GABRG3: variants seen among roughly 807,000 people sequenced by gnomAD.
The protein encoded by GABRG3 is gamma-aminobutyric acid type A receptor subunit gamma3.
Under a neutral mutation model 48.8 loss-of-function variants are expected in GABRG3, and 25 were observed. The observed-to-expected ratio is 0.51, with a 90% CI of 0.37 to 0.72. GABRG3 has a LOEUF of 0.72. Among genes scored for constraint, GABRG3 ranks in the 30% least tolerant of loss-of-function variants. GABRG3 has a pLI of 0.00. For synonymous variants in GABRG3, 227 were observed against 217.6 expected (o/e 1.04, Z -0.38); for missense variants, 394 against 577.9 (o/e 0.68, Z 3.26).
intron 6 of GABRG3, among the ~76,000 whole-genome samples, chr15:27,510,691 T>A (rs916924792): frequency 3.3e-5 from 5 of 152,242 alleles, no homozygotes; most frequent in Admixed American, 1.3e-4. Context: ...CCTGTAATTA[T>A]CCTAAAGTTT....
chr15:27,305,521 T>TATAATATAAACCTATGTTTATATATAAAC (rs1480972479), intron 3 of GABRG3, among the ~76,000 whole-genome samples: 43 of 146,164 alleles, frequency 2.9e-4, no homozygotes, highest in African/African-American at 9.4e-4. Context: ...TAAACATATA[T>TATAATATAAACCTATGTTTATATATAAAC]ATAATATAAA....
chr15:27,038,985 T>C (rs1268846839), intron 3 of GABRG3, among the ~76,000 whole-genome samples: 1 of 152,162 alleles, frequency 6.6e-6, no homozygotes. Context: ...AAATCAGTGA[T>C]GGCACATTTT....
intron 3 of GABRG3, among the ~76,000 whole-genome samples, chr15:27,306,978 T>A (rs147074979): frequency 1.4e-4 from 8 of 58,098 alleles, no homozygotes; most frequent in African/African-American, 5.3e-4. Flanking sequence ...TAAACATATA[T>A]AATATAAACA....
intron 3 of GABRG3, among the ~76,000 whole-genome samples, chr15:27,271,334 C>T (rs572554920): frequency 2.6e-5 from 4 of 152,342 alleles, no homozygotes; most frequent in South Asian, 2.1e-4. Context: ...GAACTGCCTC[C>T]GCGGGTGCCT....
chr15:27,013,110 T>C (rs1895719260), intron 2 of GABRG3, among the ~76,000 whole-genome samples: 1 of 152,148 alleles, frequency 6.6e-6, no homozygotes, highest in African/African-American at 2.4e-5. Context: ...ATCATAGGAC[T>C]TCACATCTGG....
At chr15:27,326,574 A>G (rs1281933406) in intron 3 of GABRG3, among the ~76,000 whole-genome samples, 2 of 152,158 alleles carry the variant, frequency 1.3e-5, no homozygotes, top group East Asian at 3.9e-4. Context: ...CACACTTTGT[A>G]TATTTATTGG....
intron 3 of GABRG3, among the ~76,000 whole-genome samples, chr15:27,163,192 T>C (rs1242241841): frequency 6.6e-6 from 1 of 152,066 alleles, no homozygotes; most frequent in Non-Finnish European, 1.5e-5. Context: ...CCTCAGAGAC[T>C]CCTACTGCCC....
chr15:27,322,953 A>C (rs1893481919), intron 3 of GABRG3, among the ~76,000 whole-genome samples: 1 of 152,142 alleles, frequency 6.6e-6, no homozygotes, highest in African/African-American at 2.4e-5. Context: ...CTGGCACAGA[A>C]TGCACCTGTG....
intron 5 of GABRG3, among the ~76,000 whole-genome samples, chr15:27,433,181 GT>G (rs1268600723): frequency 2.0e-5 from 3 of 152,170 alleles, no homozygotes; most frequent in African/African-American, 7.2e-5. Flanking sequence ...AATGCTTCTA[GT>G]TTTTGCCCAT....
intron 3 of GABRG3, among the ~76,000 whole-genome samples, chr15:27,175,983 T>C (rs1887731439): frequency 7.0e-6 from 1 of 142,636 alleles, no homozygotes; most frequent in Non-Finnish European, 1.5e-5. Flanking sequence ...TAAAAAGGCA[T>C]AGGGCATCAA....
chr15:27,244,479 T>C (rs1595608808), intron 3 of GABRG3, among the ~76,000 whole-genome samples: 2 of 152,252 alleles, frequency 1.3e-5, no homozygotes, highest in East Asian at 1.9e-4. Flanking sequence ...TGCCCCATCA[T>C]GTAACATGGC....
intron 5 of GABRG3, among the ~76,000 whole-genome samples, chr15:27,375,648 A>G (rs2140559623): frequency 6.6e-6 from 1 of 152,286 alleles, no homozygotes; most frequent in Admixed American, 6.5e-5. Flanking sequence ...ACAAGAGAAG[A>G]CAGCTTGTGC....
intron 5 of GABRG3, among the ~76,000 whole-genome samples, chr15:27,452,698 G>C (rs994635594): frequency 3.3e-5 from 5 of 152,148 alleles, no homozygotes; most frequent in African/African-American, 9.7e-5. Context: ...GAAGAGGAAG[G>C]GTTGGTCTGG....
intron 2 of GABRG3, among the ~76,000 whole-genome samples, chr15:26,996,100 T>A (rs117102735): frequency 6.6e-6 from 1 of 152,170 alleles, no homozygotes; most frequent in Non-Finnish European, 1.5e-5. Flanking sequence ...AACAATGTAA[T>A]TATATATGTA....
At chr15:27,481,476 A>T (rs1264725883) in intron 6 of GABRG3, 1 of 158,614 alleles carries the variant, frequency 6.3e-6, no homozygotes, top group Admixed American at 6.5e-5. Flanking sequence ...ATGGGGGTAG[A>T]GTCAGCTTTT....
chr15:27,336,158 C>T (rs1033496758), intron 5 of GABRG3, among the ~76,000 whole-genome samples: 14 of 148,676 alleles, frequency 9.4e-5, no homozygotes, highest in African/African-American at 3.5e-4. Context: ...CATTGCACTT[C>T]AGCCTGGGAA....
intron 3 of GABRG3, among the ~76,000 whole-genome samples, chr15:27,247,611 G>GT (rs143952016): frequency 6.6e-6 from 1 of 152,292 alleles, no homozygotes; most frequent in East Asian, 1.9e-4. Context: ...GTAACATGGT[G>GT]TATTAGTCCG....
intron 6 of GABRG3, among the ~76,000 whole-genome samples, chr15:27,490,716 A>G (rs1467569337): frequency 6.6e-6 from 1 of 152,162 alleles, no homozygotes; most frequent in African/African-American, 2.4e-5. Context: ...TTCCTTCCAG[A>G]CCCCAACTTT....
At chr15:27,147,453 G>A (rs1204485618) in intron 3 of GABRG3, among the ~76,000 whole-genome samples, 1 of 151,948 alleles carries the variant, frequency 6.6e-6, no homozygotes, top group East Asian at 1.9e-4. Context: ...AACACTCTAA[G>A]ACAACTAGAC....
Sources: gnomAD v4.1 joint callset for allele counts (sites outside exome capture counted in the v4.1 genomes callset) on GRCh38, gnomAD v4.1.1 for gene constraint, MANE v1.5 for transcripts, NCBI Gene and HGNC (gene_info 2026-07-23, HGNC 2026-07-21) for gene names.